MLLT1: variants seen among roughly 807,000 people sequenced by gnomAD.
MLLT1 encodes the protein protein ENL.
Under a neutral mutation model 55.1 loss-of-function variants are expected in MLLT1, and 11 were observed. That is an observed-to-expected ratio of 0.20 (90% CI 0.13 to 0.33). The LOEUF is 0.33. Ranked by LOEUF, MLLT1 falls within the 10% of genes least tolerant of loss-of-function variation. The probability of loss-of-function intolerance (pLI) is 1.00; values close to 1 mark genes in which losing one functional copy is unlikely to be tolerated. For missense variants in MLLT1, 536 were observed against 760.6 expected (o/e 0.70, Z 3.47); for synonymous variants, 323 against 320.1 (o/e 1.01, Z -0.10).
In MLLT1 at chr19:6,222,067, C is replaced by T. The variant is rs571797797; in HGVS notation, c.1110+54G>A. ...TCCTTCCGCTGTTCCAGAAGGGAGG[C>T]GGGTCCCACCACACTGCCTGCACCT... On this transcript the variant is annotated intron_variant, in intron 6 of 11. Transcript: ENST00000252674. This position sits in a 1 kb window ranked among gnomAD's most constrained non-coding sequence, Gnocchi z 4.1. 9.9e-5 allele frequency: 136 copies of T among 1,377,242 alleles called. No individual in the cohort carries two copies. The highest frequency in any genetic ancestry group is 1.2e-4 in the Non-Finnish European group (126 of 1,044,442). The allele number at this position is 1,377,242 out of a possible 1,614,324, so 85.3% of individuals were successfully genotyped here. A position where few individuals can be genotyped will look rare whatever the true frequency, so the allele number is the denominator to read the frequency against.
chr19:6,269,136 A>C (rs960533221), intron 2 of MLLT1, among the ~76,000 whole-genome samples: 1 of 152,240 alleles, frequency 6.6e-6, no homozygotes. Flanking sequence ...GCACAAAAGC[A>C]GCCACAGGCA....
At chr19:6,236,155 G>A (rs551406047) in intron 3 of MLLT1, among the ~76,000 whole-genome samples, 129 of 152,170 alleles carry the variant, frequency 8.5e-4, no homozygotes, top group African/African-American at 3.0e-3. Flanking sequence ...AGAGAGAAGA[G>A]GTCTCTAATC....
At chr19:6,236,814 G>C (rs545750297) in intron 3 of MLLT1, among the ~76,000 whole-genome samples, 1 of 152,362 alleles carries the variant, frequency 6.6e-6, no homozygotes, top group African/African-American at 2.4e-5. Context: ...GGCTCCGTGA[G>C]CAATGGCAAA....
intron 3 of MLLT1, among the ~76,000 whole-genome samples, chr19:6,257,618 T>C (rs892659331): frequency 6.6e-6 from 1 of 152,064 alleles, no homozygotes; most frequent in East Asian, 1.9e-4. Context: ...CTCGCAAACA[T>C]GGCGCAACCC....
At chr19:6,216,940 C>T (rs769918740) in intron 7 of MLLT1, 1 of 180,458 alleles carries the variant, frequency 5.5e-6, no homozygotes, top group Non-Finnish European at 1.2e-5. Context: ...CTGCACCCTA[C>T]GCCGGCCTGC....
chr19:6,213,881 C>T (rs979988630), intron 9 of MLLT1, 58 bp downstream of exon 9: 76 of 1,530,450 alleles, frequency 5.0e-5, no homozygotes, highest in East Asian at 9.1e-5. Context: ...TAGGACAGCC[C>T]GGCCCAGGGC....
At chr19:6,279,551 G>A (rs1047316213) in intron 1 of MLLT1, among the ~76,000 whole-genome samples, 1 of 151,792 alleles carries the variant, frequency 6.6e-6, no homozygotes, top group African/African-American at 2.4e-5. Flanking sequence ...AAGGGGCTCC[G>A]GGCCCGGCCC....
At chr19:6,214,067 C>T in intron 8 of MLLT1, 29 bp from the exon 9 acceptor site, 2 of 1,352,294 alleles carry the variant, frequency 1.5e-6, no homozygotes, top group Non-Finnish European at 1.9e-6. Context: ...GCGCATCAGG[C>T]CCCTGCCGCC....
intron 3 of MLLT1, among the ~76,000 whole-genome samples, chr19:6,236,700 A>G (rs1390434861): frequency 6.6e-6 from 1 of 152,138 alleles, no homozygotes; most frequent in Non-Finnish European, 1.5e-5. Context: ...AAAGCTTAGG[A>G]GCATCCCAGG....
intron 2 of MLLT1, among the ~76,000 whole-genome samples, chr19:6,267,016 G>T (rs1302913224): frequency 6.6e-6 from 1 of 152,168 alleles, no homozygotes; most frequent in Non-Finnish European, 1.5e-5. Flanking sequence ...TGTAAACTCA[G>T]CTACTCCTGA....
chr19:6,252,354 C>T (rs868141551), intron 3 of MLLT1, among the ~76,000 whole-genome samples: 7 of 152,200 alleles, frequency 4.6e-5, no homozygotes, highest in African/African-American at 7.2e-5. Context: ...TGGCCTGTCA[C>T]GGGACTTCTC....
chr19:6,254,662 G>T (rs1390158886), intron 3 of MLLT1, among the ~76,000 whole-genome samples: 2 of 152,194 alleles, frequency 1.3e-5, no homozygotes, highest in African/African-American at 4.8e-5. Flanking sequence ...CAGAAATGTT[G>T]TGAGTGGAGA....
In MLLT1 at chr19:6,211,838, C is replaced by A; in HGVS notation, c.*1204G>T. 1 of 1,064,150 alleles carries A rather than the reference C, an allele frequency of 9.4e-7. No homozygotes were observed. The highest frequency in any genetic ancestry group is 1.1e-6 in the Non-Finnish European group (1 of 878,462). The allele number at this position is 1,064,150 out of a possible 1,614,324, so 65.9% of individuals were successfully genotyped here. On this transcript the variant is annotated 3_prime_UTR_variant, in exon 12 of 12. Transcript: ENST00000252674. The surrounding 1 kb of genome is among the most constrained non-coding windows in gnomAD (Gnocchi z 4.6). ...GACCGGCTTGGCCCCTGGAGAATCT[C>A]AGGCATACCAGGAGTGGGGCTGCGG...
rs1358294311 is a variant in MLLT1 at position 6,226,690 on chromosome 19, G to A, written c.546+287C>T. ...GGCGAAGGTCTCAGGGCTTCAGGCC[G>A]AGCAGTCCTGGGGCCCTGCCATCAC... On this transcript the variant is annotated intron_variant, in intron 5 of 11. Transcript: ENST00000252674. The surrounding 1 kb of genome is among the most constrained non-coding windows in gnomAD (Gnocchi z 6.3). Among the ~76,000 whole-genome samples, 3 of 152,160 alleles carry A rather than the reference G, an allele frequency of 2.0e-5. No individual in the cohort carries two copies. The highest frequency in any genetic ancestry group is 2.9e-5 in the Non-Finnish European group (2 of 68,042).
In MLLT1 at chr19:6,242,052, G is replaced by A. The variant is rs564762389; in HGVS notation, c.277-11339C>T. Among the ~76,000 whole-genome samples the A allele has an allele frequency of 4.6e-5, 7 of 152,344 alleles. No homozygotes were observed. In the East Asian group the frequency reaches 1.2e-3, roughly 25 times the overall value. ...TGCAGAAGCGTTGCTCCGCTTCTGC[G>A]CCAGCAGGTCAGGGGCAAGGGGAGA... On this transcript the variant is annotated intron_variant, in intron 3 of 11. Coordinates refer to ENST00000252674, the MANE Select transcript of MLLT1 (RefSeq NM_005934.4).
chr19:6,259,702 C>T (rs2091286536), intron 3 of MLLT1: 1 of 150,760 alleles, frequency 6.6e-6, no homozygotes, highest in South Asian at 2.1e-4. Context: ...AGAGGGAGCG[C>T]TGCGATTCTC....
chr19:6,262,176 A>G lies in MLLT1; in HGVS notation c.276+52T>C, dbSNP rs377385703. 2.7e-6 allele frequency: 4 copies of G among 1,455,786 alleles called. No individual in the cohort carries two copies. In the African/African-American group the frequency reaches 4.2e-5, roughly 15 times the overall value. The allele number at this position is 1,455,786 out of a possible 1,614,324, so 90.2% of individuals were successfully genotyped here. A position where few individuals can be genotyped will look rare whatever the true frequency, so the allele number is the denominator to read the frequency against. On this transcript the variant is annotated intron_variant, in intron 3 of 11. Transcript: ENST00000252674. The surrounding 1 kb of genome is among the most constrained non-coding windows in gnomAD (Gnocchi z 4.4). ...TTTTGTGAACTGCCGTGGCACCCGG[A>G]GCAGGGGTCCCCACAGAGAGGCATC...
At chr19:6,254,981 GAAAA>G (rs5826924) in intron 3 of MLLT1, among the ~76,000 whole-genome samples, 2 of 135,886 alleles carry the variant, frequency 1.5e-5, no homozygotes, top group Non-Finnish European at 3.2e-5. Context: ...ATCAACAAAA[GAAAA>G]AAAAAAAACA....
At chr19:6,221,261 T>C (rs927879967) in intron 6 of MLLT1, among the ~76,000 whole-genome samples, 2 of 152,160 alleles carry the variant, frequency 1.3e-5, no homozygotes, top group Non-Finnish European at 2.9e-5. Flanking sequence ...CATCCATCCA[T>C]TCATTCATTT....
Sources: gnomAD v4.1 joint callset for allele counts (sites outside exome capture counted in the v4.1 genomes callset) on GRCh38, gnomAD v4.1.1 for gene constraint, Gnocchi (gnomAD v3.1) non-coding constraint, MANE v1.5 for transcripts, NCBI Gene and HGNC (gene_info 2026-07-23, HGNC 2026-07-21) for gene names.